The following PTPRD variants were observed in gnomAD, a reference collection of about 807,000 sequenced individuals.
PTPRD encodes the protein receptor-type tyrosine-protein phosphatase delta.
PTPRD carries 34 observed loss-of-function variants against 214.5 expected under a neutral mutation model. That is an observed-to-expected ratio of 0.16 (90% CI 0.12 to 0.21). PTPRD has a LOEUF of 0.21. Among genes scored for constraint, PTPRD ranks in the 10% least tolerant of loss-of-function variants. The pLI is 1.00. For synonymous variants in PTPRD, 1,128 were observed against 845.7 expected (o/e 1.33, Z -5.79); for missense variants, 2,545 against 2,398.7 (o/e 1.06, Z -1.27).
chr9:9,959,571 A>T (rs372505306), intron 4 of PTPRD, among the ~76,000 whole-genome samples: 55 of 152,210 alleles, frequency 3.6e-4, no homozygotes, highest in African/African-American at 1.2e-3. Context: ...TACGACAAAT[A>T]TATGAAAAAC....
chr9:9,929,985 T>C (rs1034461257), intron 5 of PTPRD, among the ~76,000 whole-genome samples: 9 of 152,130 alleles, frequency 5.9e-5, no homozygotes, highest in African/African-American at 2.2e-4. Context: ...TTATACTCAT[T>C]TACCACCTAG....
At chr9:8,671,934 T>C (rs1210958436) in intron 12 of PTPRD, among the ~76,000 whole-genome samples, 1 of 152,144 alleles carries the variant, frequency 6.6e-6, no homozygotes, top group African/African-American at 2.4e-5. Context: ...GATACATTCT[T>C]TACATACATA....
chr9:10,394,743 A>G (rs1257167330), intron 2 of PTPRD, among the ~76,000 whole-genome samples: 1 of 151,160 alleles, frequency 6.6e-6, no homozygotes, highest in South Asian at 2.1e-4. Context: ...ATGATTTAAA[A>G]TAAGCCATTT....
chr9:10,588,919 G>C (rs1187521212), intron 2 of PTPRD, among the ~76,000 whole-genome samples: 1 of 151,756 alleles, frequency 6.6e-6, no homozygotes, highest in Non-Finnish European at 1.5e-5. Context: ...CATTTTACTT[G>C]GTCTATTTCT....
At chr9:8,964,775 A>G (rs1424152960) in intron 11 of PTPRD, among the ~76,000 whole-genome samples, 2 of 152,114 alleles carry the variant, frequency 1.3e-5, no homozygotes, top group African/African-American at 2.4e-5. Context: ...CTTACTTCAA[A>G]TAATTTTATT....
chr9:9,442,926 A>C (rs908362526), intron 8 of PTPRD, among the ~76,000 whole-genome samples: 1 of 152,182 alleles, frequency 6.6e-6, no homozygotes, highest in African/African-American at 2.4e-5. Flanking sequence ...CCATACATGT[A>C]ACATGTATGT....
intron 7 of PTPRD, among the ~76,000 whole-genome samples, chr9:9,726,436 C>T (rs1196823780): frequency 6.9e-6 from 1 of 144,190 alleles, no homozygotes; most frequent in Non-Finnish European, 1.5e-5. Context: ...TCCATATTAG[C>T]ATAACCTCAT....
At chr9:8,431,548 G>C (rs2095054753) in intron 35 of PTPRD, among the ~76,000 whole-genome samples, 1 of 152,186 alleles carries the variant, frequency 6.6e-6, no homozygotes, top group Admixed American at 6.5e-5. Context: ...ATATATGACT[G>C]TGATGATGCC....
At chr9:10,406,814 TTAGAC>T (rs36074497) in intron 2 of PTPRD, among the ~76,000 whole-genome samples, 117,130 of 151,004 alleles carry the variant, frequency 0.78, 46,227 homozygotes, top group East Asian at 0.88. Flanking sequence ...TTGAAAATTG[TTAGAC>T]TAAAGATGTT....
intron 3 of PTPRD, among the ~76,000 whole-genome samples, chr9:10,270,735 AAATATAC>A (rs1564915665): frequency 1.3e-5 from 2 of 152,230 alleles, no homozygotes; most frequent in Non-Finnish European, 2.9e-5. Context: ...TATTTCTTTC[AAATATAC>A]AACTAGAATA....
At chr9:9,518,659 G>A (rs1054352789) in intron 8 of PTPRD, among the ~76,000 whole-genome samples, 1 of 152,154 alleles carries the variant, frequency 6.6e-6, no homozygotes, top group African/African-American at 2.4e-5. Flanking sequence ...CCTCAGGAAA[G>A]ACATAGTTCT....
intron 11 of PTPRD, among the ~76,000 whole-genome samples, chr9:8,811,995 T>C (rs1600592162): frequency 6.6e-6 from 1 of 152,188 alleles, no homozygotes; most frequent in South Asian, 2.1e-4. Flanking sequence ...AATTCTGGAA[T>C]TGTGAAACAT....
At chr9:9,379,336 C>A (rs185718877) in intron 9 of PTPRD, among the ~76,000 whole-genome samples, 2 of 151,232 alleles carry the variant, frequency 1.3e-5, no homozygotes, top group Admixed American at 1.3e-4. Flanking sequence ...CGTCAAAAAC[C>A]ATTTAATTGT....
intron 8 of PTPRD, among the ~76,000 whole-genome samples, chr9:9,499,710 T>G (rs759918035): frequency 7.9e-5 from 12 of 152,080 alleles, no homozygotes; most frequent in Non-Finnish European, 1.3e-4. Flanking sequence ...TATTCAATAA[T>G]GCTGAATGAA....
chr9:9,897,162 C>CACT (rs1555295659), intron 5 of PTPRD, among the ~76,000 whole-genome samples: 2 of 123,084 alleles, frequency 1.6e-5, no homozygotes, highest in Non-Finnish European at 3.4e-5. Flanking sequence ...ACACACACAC[C>CACT]GCTGCTAAAC....
intron 8 of PTPRD, among the ~76,000 whole-genome samples, chr9:9,466,867 A>C (rs914146360): frequency 1.3e-5 from 2 of 151,986 alleles, no homozygotes; most frequent in Non-Finnish European, 1.5e-5. Flanking sequence ...TAGTCTTTCT[A>C]ATCTATACTT....
intron 2 of PTPRD, among the ~76,000 whole-genome samples, chr9:10,406,560 G>C (rs963746759): frequency 1.3e-5 from 2 of 151,500 alleles, no homozygotes; most frequent in African/African-American, 4.8e-5. Flanking sequence ...TGCAGGAAAA[G>C]ACACCATAAA....
At chr9:10,286,598 G>C (rs928837720) in intron 3 of PTPRD, among the ~76,000 whole-genome samples, 11 of 151,744 alleles carry the variant, frequency 7.2e-5, no homozygotes, top group African/African-American at 2.7e-4. Context: ...ATGTTTTTTT[G>C]TTTGTTTGCT....
At chr9:8,326,518 G>A (rs1026653755) in intron 44 of PTPRD, among the ~76,000 whole-genome samples, 17 of 151,328 alleles carry the variant, frequency 1.1e-4, no homozygotes, top group African/African-American at 4.1e-4. Flanking sequence ...CAGGGATATT[G>A]GCCTGGAATT....
Sources: gnomAD v4.1 joint callset for allele counts (sites outside exome capture counted in the v4.1 genomes callset) on GRCh38, gnomAD v4.1.1 for gene constraint, MANE v1.5 for transcripts, NCBI Gene and HGNC (gene_info 2026-07-23, HGNC 2026-07-21) for gene names.